Variants in CLCNKB observed in about 807,000 individuals in gnomAD.
CLCNKB encodes the protein chloride channel protein ClC-Kb.
CLCNKB carries 74 observed loss-of-function variants against 83.8 expected under a neutral mutation model. That is an observed-to-expected ratio of 0.88 (90% confidence interval 0.73 to 1.07). The LOEUF (loss-of-function observed/expected upper bound fraction) is 1.07. Ranked by LOEUF, CLCNKB falls within the 50% of genes least tolerant of loss-of-function variation. The pLI is 0.00. For missense variants in CLCNKB, 798 were observed against 893.6 expected (o/e 0.89, Z 1.36); for synonymous variants, 358 against 356.6 (o/e 1.00, Z -0.04).
chr1:16,049,761 T>G (rs1304829873), intron 9 of CLCNKB, 54 bp from the exon 10 acceptor site: 7 of 1,612,756 alleles, frequency 4.3e-6, no homozygotes, highest in Non-Finnish European at 3.4e-6. Context: ...AGGCCTGGAC[T>G]GCGGCCCCTG....
chr1:16,055,640 C>G (rs753814163), intron 17 of CLCNKB, 35 bp from the exon 18 acceptor site: 2 of 1,609,682 alleles, frequency 1.2e-6, no homozygotes, highest in Non-Finnish European at 1.7e-6. Context: ...CCTGGGGAGG[C>G]CAGCCCTGCA....
chr1:16,053,510 C>T, intron 15 of CLCNKB, 129 bp from the exon 16 acceptor site: 2 of 1,360,352 alleles, frequency 1.5e-6, no homozygotes, highest in African/African-American at 1.4e-5. Flanking sequence ...TTCCAGGAAC[C>T]TCTCCGGCCC....
intron 3 of CLCNKB, 71 bp from the exon 4 acceptor site, chr1:16,046,464 G>A: frequency 1.2e-6 from 2 of 1,601,624 alleles, no homozygotes; most frequent in Non-Finnish European, 8.5e-7. Flanking sequence ...GTCAGTAAGT[G>A]GGCACCACAG....
rs1394741065 is a variant in CLCNKB, at chr1:16,046,678, G to C, written c.358+15G>C. The stretch of plus-strand genomic sequence containing the variant: ...CTCCTCTGGAGGTGAGTCCACAGTC[G>C]CTACGCCAGTCCCCACTGGCCAAAA... On this transcript the variant is annotated intron_variant, in intron 4 of 19. Coordinates refer to ENST00000375679, the MANE Select transcript of CLCNKB (RefSeq NM_000085.5). The C allele has an allele frequency of 2.5e-6, 4 of 1,607,140 alleles. No homozygotes were observed. Among genetic ancestry groups the C allele is most frequent in the Non-Finnish European group, 3.4e-6 (4 of 1,177,708 alleles).
At chr1:16,055,615 G>A (rs2023413939) in intron 17 of CLCNKB, 60 bp from the exon 18 acceptor site, 2 of 1,599,358 alleles carry the variant, frequency 1.3e-6, no homozygotes, top group East Asian at 2.2e-5. Context: ...GGGAGAGGTG[G>A]TCAGAGAGAG....
chr1:16,052,340 C>G lies in CLCNKB; in HGVS notation c.1551C>G (p.Pro517=), dbSNP rs750352082. The G allele has an allele frequency of 3.0e-5, 48 of 1,613,104 alleles. No individual in the cohort carries two copies. The highest frequency in any genetic ancestry group is 7.7e-5 in the South Asian group (7 of 91,090). Residue 517 remains proline, a synonymous_variant, in exon 15 of 20, where the codon CCC becomes CCG. Coordinates refer to ENST00000375679, the MANE Select transcript of CLCNKB (RefSeq NM_000085.5). The part of the protein sequence containing the change: ...AANAIAQSCQ[P]SFYDGTVIVK... Reference sequence around the variant, plus strand: ...ACGCCATTGCACAGAGCTGCCAGCCCTCCTTCTATGATGGCACCGTCATTG... The same window carrying G: ...ACGCCATTGCACAGAGCTGCCAGCCGTCCTTCTATGATGGCACCGTCATTG...
At chr1:16,056,126 G>A (rs1172235547) in intron 18 of CLCNKB, among the ~76,000 whole-genome samples, 1 of 152,232 alleles carries the variant, frequency 6.6e-6, no homozygotes, top group African/African-American at 2.4e-5. Context: ...GACAGAGCCT[G>A]GCACACGGGT....
intron 12 of CLCNKB, 24 bp from the exon 13 acceptor site, chr1:16,051,454 G>T (rs1193794879): frequency 1.2e-6 from 2 of 1,613,546 alleles, no homozygotes; most frequent in Admixed American, 3.3e-5. Context: ...TCTAACCTCT[G>T]CCCTGGGCTC....
intron 5 of CLCNKB, 106 bp from the exon 6 acceptor site, chr1:16,048,237 G>C (rs938940948): frequency 8.4e-5 from 126 of 1,498,910 alleles, no homozygotes; most frequent in Non-Finnish European, 1.1e-4. Flanking sequence ...GGCCGTGGGG[G>C]CTTGGGAGAT....
intron 16 of CLCNKB, among the ~76,000 whole-genome samples, chr1:16,054,031 G>A (rs565416964): frequency 3.0e-4 from 45 of 152,222 alleles, no homozygotes; most frequent in African/African-American, 1.1e-3. Flanking sequence ...GCAGCTGCTG[G>A]GGTAGGAGCA....
In CLCNKB at chr1:16,048,415, C is replaced by T. The variant is rs2023171065; in HGVS notation, c.571C>T (p.Pro191Ser). The T allele has an allele frequency of 6.2e-7, 1 of 1,613,852 alleles. No individual in the cohort carries two copies. Among genetic ancestry groups the T allele is most frequent in the East Asian group, 2.2e-5 (1 of 44,884 alleles). ...TGTGCGCACCACGACCATCGGGGAG[C>T]CTGAGGTTAGGGACTCGGGGGCTTC... Reference protein sequence around the residue: ...GRVRTTTIGEPENKSKQNEML... With the variant: ...GRVRTTTIGESENKSKQNEML... The change falls in exon 6 of 20, where the codon CCT (proline) becomes TCT (serine). Residue 191 changes from proline (P) to serine (S), a missense_variant. Transcript: ENST00000375679.
chr1:16,051,525 C>A lies in CLCNKB; in HGVS notation c.1275C>A (p.Tyr425Ter). Residue 425 changes from tyrosine to a stop codon, truncating the protein, a stop_gained, in exon 13 of 20, where the codon TAC becomes TAA. Coordinates refer to ENST00000375679, the MANE Select transcript of CLCNKB (RefSeq NM_000085.5). LOFTEE classifies it high-confidence loss of function. ...CCACCATCCCCATGCCTGCCGGGTA[C>A]TTCATGCCCATCTTTGTCTATGGTG... is the stretch of plus-strand genomic sequence containing the variant. The part of the protein sequence containing the change: ...LATTIPMPAG[Y>*]FMPIFVYGAA... The A allele has an allele frequency of 6.2e-7, 1 of 1,614,144 alleles. No homozygotes were observed. The highest frequency in any genetic ancestry group is 8.5e-7 in the Non-Finnish European group (1 of 1,180,010).
At position 16,055,427 on chromosome 1, in the gene CLCNKB, CT is replaced by C; in HGVS notation, c.1757-6del. On this transcript the variant is annotated splice_polypyrimidine_tract_variant and splice_region_variant and intron_variant, in intron 16 of 19. Coordinates refer to ENST00000375679, the MANE Select transcript of CLCNKB (RefSeq NM_000085.5). ...GTGCCTCCCTCTGGCTGTCTCTCCA[CT>C]TGCCAGAGTCCCAGATCCTGGTGGG... The C allele has an allele frequency of 6.2e-7, 1 of 1,612,464 alleles. No homozygotes were observed. The highest frequency in any genetic ancestry group is 8.5e-7 in the Non-Finnish European group (1 of 1,178,914).
chr1:16,050,749 C>T, intron 11 of CLCNKB, 126 bp from the exon 12 acceptor site: 1 of 1,524,636 alleles, frequency 6.6e-7, no homozygotes. Context: ...GAGGTCAGAG[C>T]CCTGCCCAAG....
At chr1:16,048,769 G>T in intron 7 of CLCNKB, 187 bp downstream of exon 7, 1 of 1,466,034 alleles carries the variant, frequency 6.8e-7, no homozygotes, top group South Asian at 1.4e-5. Flanking sequence ...TTGATTGGCG[G>T]TGCTAAGAGG....
At chr1:16,048,936 G>A (rs1198232675) in intron 7 of CLCNKB, 184 bp from the exon 8 acceptor site, 1 of 1,476,714 alleles carries the variant, frequency 6.8e-7, no homozygotes, top group Non-Finnish European at 8.9e-7. Flanking sequence ...GGCTGGACGG[G>A]TCTCTGGGCA....
chr1:16,055,877 C>T (rs892154223), intron 18 of CLCNKB, 119 bp downstream of exon 18: 1 of 907,694 alleles, frequency 1.1e-6, no homozygotes, highest in Non-Finnish European at 1.8e-6. Context: ...ATGCTGCTTC[C>T]TGCTCCTCCT....
Position 16,048,356 on chromosome 1 carries a change from A to C in CLCNKB, c.512A>C (p.His171Pro), listed in dbSNP as rs777428824. Residue 171 changes from histidine to proline, a missense_variant, in exon 6 of 20, where the codon CAC becomes CCC. Transcript: ENST00000375679. ...TTCTCTCTGCAGGGCCCTTTCGTGC[A>C]CCTGTCTGTGATGATGGCTGCCTAC... is the stretch of plus-strand genomic sequence containing the variant. ...LFLGKVGPFV[H>P]LSVMMAAYLG... 1.6e-5 allele frequency: 26 copies of C among 1,613,634 alleles called. No homozygotes were observed. Among genetic ancestry groups the C allele is most frequent in the Non-Finnish European group, 2.1e-5 (25 of 1,179,972 alleles).
chr1:16,052,340 C>T lies in CLCNKB; in HGVS notation c.1551C>T (p.Pro517=), dbSNP rs750352082. 6.2e-7 allele frequency: 1 copy of T among 1,613,104 alleles called. No individual in the cohort carries two copies. Among genetic ancestry groups the T allele is most frequent in the African/African-American group, 1.3e-5 (1 of 74,930 alleles). The change falls in exon 15 of 20, where the codon CCC becomes CCT. Residue 517 remains proline, a synonymous_variant. Transcript: ENST00000375679. ...AANAIAQSCQ[P]SFYDGTVIVK... ...ACGCCATTGCACAGAGCTGCCAGCC[C>T]TCCTTCTATGATGGCACCGTCATTG... is the stretch of plus-strand genomic sequence containing the variant.
Sources: allele counts gnomAD v4.1 joint callset (sites outside exome capture counted in the v4.1 genomes callset), GRCh38; gene constraint gnomAD v4.1.1; transcripts MANE v1.5; gene names NCBI Gene and HGNC (gene_info 2026-07-23, HGNC 2026-07-21).